Variants in DNMT3A observed in about 807,000 individuals in gnomAD.
DNMT3A encodes the protein DNA (cytosine-5)-methyltransferase 3A.
A neutral mutation model predicts 117.6 loss-of-function variants in DNMT3A; 267 were observed. The observed-to-expected ratio is 2.27, with a 90% CI of 2.05 to 2.51. The LOEUF (loss-of-function observed/expected upper bound fraction) is 2.51, where lower values mean the gene tolerates loss of function less well. Ranked by LOEUF, DNMT3A falls within the 30% of genes most tolerant of loss-of-function variation. The pLI, the probability that DNMT3A is intolerant of heterozygous loss-of-function variation, is 0.00. For missense variants in DNMT3A, 1,029 were observed against 1,260.2 expected (o/e 0.82, Z 2.78); for synonymous variants, 432 against 474.8 (o/e 0.91, Z 1.17).
rs1420212233 is a variant in DNMT3A at position 25,339,033 on chromosome 2, G to T, written c.-178+2793C>A. Among the ~76,000 whole-genome samples, 1 of 152,024 alleles carries T rather than the reference G, an allele frequency of 6.6e-6. No homozygotes were observed. Among genetic ancestry groups the T allele is most frequent in the African/African-American group, 2.4e-5 (1 of 41,364 alleles). ...CTGCAGAGTCGGACGTGACCAACCCGTCTCTTGCAGGGACCCTCCTCACAC... is the reference window on the plus strand; with the variant it reads ...CTGCAGAGTCGGACGTGACCAACCCTTCTCTTGCAGGGACCCTCCTCACAC... On this transcript the variant is annotated intron_variant, in intron 1 of 22. Coordinates refer to ENST00000321117, the MANE Select transcript of DNMT3A (RefSeq NM_022552.5). The surrounding 1 kb of genome is among the most constrained non-coding windows in gnomAD (Gnocchi z 4.9).
chr2:25,269,886 G>A (rs1199118970), intron 6 of DNMT3A, among the ~76,000 whole-genome samples: 1 of 152,168 alleles, frequency 6.6e-6, no homozygotes, highest in Non-Finnish European at 1.5e-5. Context: ...CTTAAATCTT[G>A]GGGGAGGGAA....
intron 1 of DNMT3A, among the ~76,000 whole-genome samples, chr2:25,325,140 C>T (rs1043558312): frequency 2.0e-5 from 3 of 150,340 alleles, no homozygotes; most frequent in African/African-American, 4.9e-5. Context: ...CAAAAGTGAG[C>T]GGGGGGGGGA....
chr2:25,301,874 T>C (rs993107671), intron 2 of DNMT3A, among the ~76,000 whole-genome samples: 2 of 152,182 alleles, frequency 1.3e-5, no homozygotes, highest in African/African-American at 4.8e-5. Context: ...CTGAGTAAGA[T>C]GGCCCTCAAC....
chr2:25,292,208 G>A (rs1022865856), intron 3 of DNMT3A, among the ~76,000 whole-genome samples: 4 of 152,148 alleles, frequency 2.6e-5, no homozygotes, highest in African/African-American at 9.6e-5. Context: ...AAATTAGCCA[G>A]GCATGGTGGT....
chr2:25,334,911 T>A (rs1389612513), intron 1 of DNMT3A, among the ~76,000 whole-genome samples: 2 of 152,250 alleles, frequency 1.3e-5, no homozygotes, highest in Non-Finnish European at 2.9e-5. Flanking sequence ...TCCACAGGCT[T>A]TTAAAAAGTG....
At chr2:25,268,272 C>T (rs2030545034) in intron 6 of DNMT3A, among the ~76,000 whole-genome samples, 2 of 152,190 alleles carry the variant, frequency 1.3e-5, no homozygotes, top group South Asian at 4.1e-4. Flanking sequence ...GATCCTAGAA[C>T]AATAGGACAT....
At chr2:25,272,484 T>A (rs917328094) in intron 6 of DNMT3A, among the ~76,000 whole-genome samples, 1 of 152,204 alleles carries the variant, frequency 6.6e-6, no homozygotes, top group Non-Finnish European at 1.5e-5. Context: ...AAAGTCATAG[T>A]CTAAGCTTCT....
chr2:25,317,499 C>T (rs1282249071), intron 1 of DNMT3A, among the ~76,000 whole-genome samples: 1 of 152,234 alleles, frequency 6.6e-6, no homozygotes, highest in Non-Finnish European at 1.5e-5. Context: ...ATATATAACA[C>T]AGTCTTCAAC....
intron 6 of DNMT3A, among the ~76,000 whole-genome samples, chr2:25,259,698 G>A (rs1676445038): frequency 1.3e-5 from 2 of 152,108 alleles, no homozygotes; most frequent in African/African-American, 4.8e-5. Context: ...AACCTTAACA[G>A]CCAGGCCTGT....
At chr2:25,318,674 TA>T (rs1225272314) in intron 1 of DNMT3A, among the ~76,000 whole-genome samples, 1 of 151,336 alleles carries the variant, frequency 6.6e-6, no homozygotes, top group Non-Finnish European at 1.5e-5. Context: ...GAGAGTAAAA[TA>T]AAGACATTTT....
chr2:25,313,854 T>C (rs770606682), intron 2 of DNMT3A, 59 bp downstream of exon 2: 6 of 1,547,888 alleles, frequency 3.9e-6, no homozygotes, highest in South Asian at 2.4e-5. Flanking sequence ...TGTCATCACA[T>C]AGGGACAGGG....
chr2:25,248,098 AC>A lies in DNMT3A; in HGVS notation c.793del (p.Val265TrpfsTer51). On this transcript the variant is annotated frameshift_variant, in exon 7 of 23. Transcript: ENST00000321117. LOFTEE classifies it high-confidence loss of function. ...SPTVATTPEP[V>X]GSDAGDKNAT... ...ATTCTTGTCCCCAGCATCGGACCCC[AC>A]GGGCTCAGGCGTGGTAGCCACAGTG... The A allele has an allele frequency of 6.2e-7, 1 of 1,613,296 alleles. No homozygotes were observed. The highest frequency in any genetic ancestry group is 8.5e-7 in the Non-Finnish European group (1 of 1,179,962).
At chr2:25,328,262 G>A (rs1310955159) in intron 1 of DNMT3A, among the ~76,000 whole-genome samples, 1 of 152,046 alleles carries the variant, frequency 6.6e-6, no homozygotes, top group African/African-American at 2.4e-5. Context: ...TAAAATATAC[G>A]CTCTGGCCTG....
Position 25,282,670 on chromosome 2 carries a change from G to A in DNMT3A, c.219C>T (p.Ser73=). 1 of 1,584,008 alleles carries A rather than the reference G, an allele frequency of 6.3e-7. No homozygotes were observed. Among genetic ancestry groups the A allele is most frequent in the South Asian group, 1.2e-5 (1 of 86,774 alleles). Residue 73 remains serine, a synonymous_variant, in exon 4 of 23, where the codon TCC becomes TCT. Transcript: ENST00000321117. The surrounding 1 kb of genome is among the most constrained non-coding windows in gnomAD (Gnocchi z 5.2). ...AGTCCTGGGCCATGGATGGGGACTT[G>A]GAGATCACCGCAGGGTCCTTTGGCG... ...GDTPKDPAVI[S]KSPSMAQDSG... is the part of the protein sequence containing the mutation.
Position 25,230,034 on chromosome 2 carries a change from T to C in DNMT3A, c.*4245A>G, listed in dbSNP as rs564161378. The C allele has an allele frequency of 2.1e-3, 323 of 152,384 alleles. 3 individuals are homozygous for C. Among genetic ancestry groups the C allele is most frequent in the Non-Finnish European group, 3.6e-3 (247 of 68,102 alleles). The allele number at this position is 152,384 out of a possible 1,614,324, so 9.4% of individuals were successfully genotyped here. A position where few individuals can be genotyped will look rare whatever the true frequency, so the allele number is the denominator to read the frequency against. On this transcript the variant is annotated 3_prime_UTR_variant, in exon 23 of 23. Transcript: ENST00000321117. Reference sequence around the variant, plus strand: ...CCTGTCCCAATCCACACTCCTGCAATGCGCCAAAAATCACACAGGCATCTC... The same window carrying C: ...CCTGTCCCAATCCACACTCCTGCAACGCGCCAAAAATCACACAGGCATCTC...
At chr2:25,277,947 G>C (rs2031563876) in intron 4 of DNMT3A, among the ~76,000 whole-genome samples, 1 of 149,590 alleles carries the variant, frequency 6.7e-6, no homozygotes, top group African/African-American at 2.5e-5. Context: ...TTTCCAACTG[G>C]CTTCTTTCTG....
At chr2:25,328,647 G>C in intron 1 of DNMT3A, 1 of 521,378 alleles carries the variant, frequency 1.9e-6, no homozygotes, top group Non-Finnish European at 3.9e-6. Context: ...AGAGAGGACT[G>C]TGTGAAGTCA....
upstream of DNMT3A, chr2:25,342,020 G>C (rs1330467666): frequency 4.7e-6 from 4 of 854,246 alleles, no homozygotes; most frequent in African/African-American, 5.8e-5. The surrounding 1 kb of genome is among the most constrained non-coding windows in gnomAD (Gnocchi z 5.9). Flanking sequence ...CCTCCGCCGG[G>C]TCCCCCCCTC....
intron 1 of DNMT3A, among the ~76,000 whole-genome samples, chr2:25,317,136 G>A (rs772454238): frequency 3.9e-4 from 60 of 152,026 alleles, no homozygotes; most frequent in Middle Eastern, 3.4e-3. Flanking sequence ...GCTCAATGCA[G>A]CCTCAAACTC....
Sources: allele counts gnomAD v4.1 joint callset (sites outside exome capture counted in the v4.1 genomes callset), GRCh38; gene constraint gnomAD v4.1.1; non-coding constraint Gnocchi (gnomAD v3.1); transcripts MANE v1.5; gene names NCBI Gene and HGNC (gene_info 2026-07-23, HGNC 2026-07-21).